Variants in COG5 observed in about 807,000 individuals in gnomAD.
COG5 encodes component of oligomeric golgi complex 5.
Under a neutral mutation model 110.4 loss-of-function variants are expected in COG5, and 86 were observed. That is an observed-to-expected ratio of 0.78 (90% CI 0.65 to 0.93). The LOEUF is 0.93. COG5 is among the 40% of genes least tolerant of loss of function. The pLI is 0.00. For synonymous variants in COG5, 360 were observed against 334.6 expected (o/e 1.08, Z -0.83); for missense variants, 1,077 against 987.0 (o/e 1.09, Z -1.22).
intron 19 of COG5, among the ~76,000 whole-genome samples, chr7:107,225,932 A>C (rs1434862198): frequency 2.6e-5 from 4 of 152,250 alleles, no homozygotes; most frequent in African/African-American, 9.6e-5. Flanking sequence ...AATCCCAGCT[A>C]TTCGGGAGGC....
intron 8 of COG5, among the ~76,000 whole-genome samples, chr7:107,365,099 C>T (rs1313857415): frequency 6.6e-6 from 1 of 151,736 alleles, no homozygotes; most frequent in Non-Finnish European, 1.5e-5. Flanking sequence ...ATTATGAAAC[C>T]CTTTAACCTA....
intron 6 of COG5, among the ~76,000 whole-genome samples, chr7:107,517,766 C>T (rs954135013): frequency 5.3e-5 from 8 of 151,486 alleles, no homozygotes; most frequent in Non-Finnish European, 1.2e-4. Context: ...GGCGCAATCT[C>T]GGCTCACCAC....
chr7:107,413,919 T>C (rs573791429), intron 6 of COG5, among the ~76,000 whole-genome samples: 1 of 152,348 alleles, frequency 6.6e-6, no homozygotes, highest in South Asian at 2.1e-4. Context: ...ATCTAAGTAA[T>C]CTGAACAAAT....
At chr7:107,393,521 C>A (rs1023136811) in intron 7 of COG5, among the ~76,000 whole-genome samples, 29 of 152,296 alleles carry the variant, frequency 1.9e-4, no homozygotes, top group Non-Finnish European at 4.1e-4. Context: ...TAGCATAATG[C>A]TAACTTTATA....
At chr7:107,397,521 G>A (rs1791103614) in intron 7 of COG5, among the ~76,000 whole-genome samples, 1 of 151,860 alleles carries the variant, frequency 6.6e-6, no homozygotes, top group Admixed American at 6.6e-5. Flanking sequence ...AAAAATACAT[G>A]GGCCCATAAC....
intron 6 of COG5, among the ~76,000 whole-genome samples, chr7:107,495,192 G>A (rs967575789): frequency 3.9e-5 from 6 of 152,076 alleles, no homozygotes; most frequent in African/African-American, 1.4e-4. Flanking sequence ...GCTCATGGCT[G>A]GCACGGCAAC....
At chr7:107,563,775 A>C in intron 1 of COG5, 28 bp downstream of exon 1, 4 of 1,613,218 alleles carry the variant, frequency 2.5e-6, no homozygotes, top group Non-Finnish European at 3.4e-6. Flanking sequence ...CCCCAACCCC[A>C]CGACCTGGTC....
chr7:107,547,524 G>A (rs1802537048), intron 5 of COG5, among the ~76,000 whole-genome samples: 2 of 152,168 alleles, frequency 1.3e-5, no homozygotes, highest in Non-Finnish European at 2.9e-5. Flanking sequence ...GTCCTGGCCA[G>A]AGCCATTAGG....
chr7:107,249,702 G>C lies in COG5; in HGVS notation c.1750-1203C>G, dbSNP rs926998070. Among the ~76,000 whole-genome samples the C allele has an allele frequency of 3.0e-3, 410 of 136,348 alleles. 2 individuals carry two copies. The highest frequency in any genetic ancestry group is 7.8e-3 in the African/African-American group (228 of 29,146). 89.4% of individuals were successfully genotyped at this position (136,348 alleles called of 152,430 possible). ...ACAACGTACAGGATTGTGTGTGTGT[G>C]TGTGTGTGTGTGTGTGTGTGTGTGT... is the stretch of plus-strand genomic sequence containing the variant. On this transcript the variant is annotated intron_variant, in intron 16 of 21. Coordinates refer to ENST00000297135, the MANE Select transcript of COG5 (RefSeq NM_006348.5).
intron 11 of COG5, among the ~76,000 whole-genome samples, chr7:107,305,430 C>T (rs1457450383): frequency 4.6e-5 from 7 of 152,118 alleles, no homozygotes; most frequent in Non-Finnish European, 8.8e-5. Context: ...AATCTATTGC[C>T]TTTAGGATGT....
Position 107,563,550 on chromosome 7 carries a change from G to GA in COG5, c.94+252_94+253insT. 1.4e-5 allele frequency: 7 copies of GA among 495,004 alleles called. 1 individual carries two copies. Among genetic ancestry groups the GA allele is most frequent in the South Asian group, 1.3e-4 (6 of 45,746 alleles). 30.7% of individuals were successfully genotyped at this position (495,004 alleles called of 1,614,324 possible). On this transcript the variant is annotated intron_variant, in intron 1 of 21. Transcript: ENST00000297135. ...TTCAGGGAAGCTGGAGGCATGGGGG[G>GA]GGGGGGGGTCGAGTTGAAATGAGGA...
intron 17 of COG5, among the ~76,000 whole-genome samples, chr7:107,242,812 T>C (rs761424724): frequency 6.6e-6 from 1 of 152,122 alleles, no homozygotes; most frequent in Non-Finnish European, 1.5e-5. Context: ...CTGGGCTGAC[T>C]GCAGTGAGTG....
At chr7:107,351,087 C>G (rs191215155) in intron 10 of COG5, among the ~76,000 whole-genome samples, 296 of 152,266 alleles carry the variant, frequency 1.9e-3, no homozygotes, top group Middle Eastern at 0.01. Context: ...ACAAGTAAAA[C>G]AAGAAATCCT....
intron 7 of COG5, among the ~76,000 whole-genome samples, chr7:107,411,961 A>T (rs1028559590): frequency 1.3e-5 from 2 of 152,172 alleles, no homozygotes; most frequent in African/African-American, 4.8e-5. Context: ...CAGAAAATTA[A>T]GCATCAGGAA....
intron 12 of COG5, among the ~76,000 whole-genome samples, chr7:107,291,723 T>C (rs530204689): frequency 2.8e-4 from 42 of 152,362 alleles, no homozygotes; most frequent in Middle Eastern, 3.4e-3. Flanking sequence ...GAGCTAATTG[T>C]AGCTCCTTTG....
chr7:107,419,723 A>T (rs1020255613), intron 6 of COG5, among the ~76,000 whole-genome samples: 9 of 152,128 alleles, frequency 5.9e-5, no homozygotes, highest in African/African-American at 2.2e-4. Flanking sequence ...ATCTACCACC[A>T]TGCCCAGCTA....
At chr7:107,427,468 G>C (rs577876235) in intron 6 of COG5, among the ~76,000 whole-genome samples, 3 of 152,120 alleles carry the variant, frequency 2.0e-5, no homozygotes, top group Middle Eastern at 3.4e-3. Flanking sequence ...TTCTGTTATG[G>C]ACTGAATTGT....
chr7:107,345,212 G>A (rs543916101), intron 10 of COG5, among the ~76,000 whole-genome samples: 2 of 152,132 alleles, frequency 1.3e-5, no homozygotes, highest in East Asian at 3.9e-4. Flanking sequence ...CGTTCATGGT[G>A]CCCCAAAACA....
At chr7:107,274,802 A>C (rs1447361180) in intron 14 of COG5, among the ~76,000 whole-genome samples, 2 of 151,952 alleles carry the variant, frequency 1.3e-5, no homozygotes, top group African/African-American at 4.8e-5. Flanking sequence ...ACAATTTCAA[A>C]TTTTTTACCT....
Sources: gnomAD v4.1 joint callset for allele counts (sites outside exome capture counted in the v4.1 genomes callset) on GRCh38, gnomAD v4.1.1 for gene constraint, MANE v1.5 for transcripts, NCBI Gene and HGNC (gene_info 2026-07-23, HGNC 2026-07-21) for gene names.